The following CCDC18 variants were observed in gnomAD, a reference collection of about 807,000 sequenced individuals.
CCDC18 encodes coiled-coil domain-containing protein 18.
A neutral mutation model predicts 196.0 loss-of-function variants in CCDC18; 157 were observed. The ratio of observed to expected loss-of-function variants is 0.80; its 90% CI spans 0.70 to 0.91. The LOEUF (loss-of-function observed/expected upper bound fraction) is 0.91, where lower values mean the gene tolerates loss of function less well. Ranked by LOEUF, CCDC18 falls within the 40% of genes least tolerant of loss-of-function variation. CCDC18 has a pLI of 0.00. For synonymous variants in CCDC18, 482 were observed against 529.2 expected (o/e 0.91, Z 1.22); for missense variants, 1,465 against 1,611.6 (o/e 0.91, Z 1.56).
chr1:93,192,702 T>A (rs545148681), intron 5 of CCDC18, among the ~76,000 whole-genome samples: 3 of 152,262 alleles, frequency 2.0e-5, no homozygotes, highest in Non-Finnish European at 4.4e-5. Flanking sequence ...CCTCCCAAAG[T>A]GTTGGGATTG....
intron 23 of CCDC18, among the ~76,000 whole-genome samples, chr1:93,250,287 G>A (rs991619590): frequency 4.6e-5 from 7 of 151,162 alleles, no homozygotes; most frequent in Admixed American, 1.3e-4. Flanking sequence ...AGGCTGAGGC[G>A]GGAGGATCAC....
intron 16 of CCDC18, among the ~76,000 whole-genome samples, chr1:93,224,306 T>C (rs1214610178): frequency 6.6e-6 from 1 of 152,164 alleles, no homozygotes; most frequent in African/African-American, 2.4e-5. Flanking sequence ...ACTTTACCCC[T>C]TTAATACTTA....
chr1:93,186,822 A>G (rs959337722), intron 4 of CCDC18, among the ~76,000 whole-genome samples: 2 of 152,016 alleles, frequency 1.3e-5, no homozygotes, highest in African/African-American at 2.4e-5. Context: ...ACACATTGTC[A>G]TTGTTGAAAA....
At chr1:93,218,803 C>T (rs891975739) in intron 14 of CCDC18, among the ~76,000 whole-genome samples, 8 of 152,260 alleles carry the variant, frequency 5.3e-5, no homozygotes, top group Non-Finnish European at 7.3e-5. Context: ...TGAGCCACTG[C>T]GCCCAGCCTC....
At chr1:93,186,892 T>C (rs934135431) in intron 4 of CCDC18, among the ~76,000 whole-genome samples, 14 of 152,170 alleles carry the variant, frequency 9.2e-5, no homozygotes, top group Non-Finnish European at 1.9e-4. Context: ...AGAAACCACT[T>C]TACCAGTTTA....
intron 20 of CCDC18, 41 bp from the exon 21 acceptor site, chr1:93,239,642 G>C (rs768580071): frequency 1.6e-5 from 23 of 1,432,170 alleles, no homozygotes; most frequent in South Asian, 1.1e-4. Context: ...TGTAATAAAT[G>C]GTTTACATAT....
intron 25 of CCDC18, 30 bp downstream of exon 25, chr1:93,256,568 T>G: frequency 6.5e-7 from 1 of 1,547,678 alleles, no homozygotes; most frequent in Non-Finnish European, 8.9e-7. Context: ...ATCTTATGTA[T>G]CTGAAATCTT....
At chr1:93,200,133 C>T (rs984273266) in intron 6 of CCDC18, among the ~76,000 whole-genome samples, 1 of 151,994 alleles carries the variant, frequency 6.6e-6, no homozygotes, top group South Asian at 2.1e-4. Flanking sequence ...TACAGGTGTG[C>T]ACCACCATGC....
intron 26 of CCDC18, among the ~76,000 whole-genome samples, chr1:93,262,770 C>T (rs370456425): frequency 9.9e-5 from 15 of 152,188 alleles, no homozygotes; most frequent in East Asian, 9.7e-4. Context: ...CCCAGTGCCC[C>T]GGTGGGGACT....
At chr1:93,228,613 C>T (rs1345593453) in intron 17 of CCDC18, among the ~76,000 whole-genome samples, 2 of 151,404 alleles carry the variant, frequency 1.3e-5, no homozygotes, top group South Asian at 2.1e-4. Flanking sequence ...TATTTTTCTA[C>T]TCCAATACAT....
At chr1:93,264,988 C>T (rs1664308723) in intron 27 of CCDC18, 87 bp downstream of exon 27, 1 of 868,602 alleles carries the variant, frequency 1.2e-6, no homozygotes, top group Non-Finnish European at 1.8e-6. Context: ...TTATAGAGGA[C>T]TATATGACCA....
intron 6 of CCDC18, among the ~76,000 whole-genome samples, chr1:93,194,796 TA>T (rs1251830663): frequency 6.6e-6 from 1 of 152,048 alleles, no homozygotes; most frequent in Non-Finnish European, 1.5e-5. Context: ...CAAGAAAAAA[TA>T]AAGAGGAAGA....
intron 23 of CCDC18, among the ~76,000 whole-genome samples, chr1:93,249,314 C>G (rs375327362): frequency 6.6e-6 from 1 of 152,024 alleles, no homozygotes; most frequent in East Asian, 1.9e-4. Context: ...TGTAATGTTT[C>G]CTTTTTCATC....
intron 4 of CCDC18, chr1:93,190,938 A>G (rs79611695): frequency 0.011 from 9,128 of 822,750 alleles, 85 homozygotes; most frequent in Non-Finnish European, 0.014. Flanking sequence ...GCTTCCTGTC[A>G]TATCGACACT....
At chr1:93,179,976 A>C, upstream of CCDC18, 4 of 1,440,652 alleles carry the variant, frequency 2.8e-6, no homozygotes, top group Non-Finnish European at 2.8e-6. Context: ...GTCCACCAGA[A>C]GTTTCTAAAC....
chr1:93,187,360 G>T (rs1650884483), intron 4 of CCDC18, among the ~76,000 whole-genome samples: 1 of 151,984 alleles, frequency 6.6e-6, no homozygotes, highest in Admixed American at 6.6e-5. Flanking sequence ...TATATTTAGT[G>T]GCAGAAAAAC....
intron 20 of CCDC18, 44 bp from the exon 21 acceptor site, chr1:93,239,639 A>C (rs1557675253): frequency 7.0e-7 from 1 of 1,426,628 alleles, no homozygotes; most frequent in African/African-American, 1.4e-5. Flanking sequence ...GTTTGTAATA[A>C]ATGGTTTACA....
chr1:93,225,227 A>T (rs569114178), intron 16 of CCDC18, among the ~76,000 whole-genome samples: 3 of 152,342 alleles, frequency 2.0e-5, no homozygotes, highest in African/African-American at 7.2e-5. Context: ...AATAAAGAAA[A>T]CAAGGAGCAA....
chr1:93,246,788 A>C, intron 22 of CCDC18, 50 bp from the exon 23 acceptor site: 1 of 849,140 alleles, frequency 1.2e-6, no homozygotes, highest in Non-Finnish European at 2.0e-6. Context: ...TAAGCATACA[A>C]GTTTTTATAT....
Sources: allele counts gnomAD v4.1 joint callset (sites outside exome capture counted in the v4.1 genomes callset), GRCh38; gene constraint gnomAD v4.1.1; transcripts MANE v1.5; gene names NCBI Gene and HGNC (gene_info 2026-07-23, HGNC 2026-07-21).